CTIF: variants seen among roughly 807,000 people sequenced by gnomAD.
CTIF encodes cap binding complex dependent translation initiation factor.
In CTIF, 21 loss-of-function variants were observed where a neutral mutation model predicts 66.0. That is an observed-to-expected ratio of 0.32 (90% CI 0.23 to 0.46). The LOEUF (loss-of-function observed/expected upper bound fraction) is 0.46. Among genes scored for constraint, CTIF ranks in the 20% least tolerant of loss-of-function variants. The pLI, the probability that CTIF is intolerant of heterozygous loss-of-function variation, is 1.00. For synonymous variants in CTIF, 345 were observed against 326.4 expected (o/e 1.06, Z -0.62); for missense variants, 739 against 812.7 (o/e 0.91, Z 1.10).
At chr18:48,584,520 A>G (rs2089726499) in intron 1 of CTIF, among the ~76,000 whole-genome samples, 1 of 152,170 alleles carries the variant, frequency 6.6e-6, no homozygotes, top group Non-Finnish European at 1.5e-5. Context: ...AGGAGCTAGG[A>G]CAGAGTCCAA....
chr18:48,670,461 G>C (rs2091510948), intron 5 of CTIF: 1 of 526,106 alleles, frequency 1.9e-6, no homozygotes, highest in Non-Finnish European at 3.4e-6. Context: ...CCTCCCTCCA[G>C]GTTGGCTGTT....
intron 2 of CTIF, among the ~76,000 whole-genome samples, chr18:48,626,000 C>CTTTTTTTTTTT (rs74174709): frequency 5.9e-4 from 64 of 109,128 alleles, no homozygotes; most frequent in Non-Finnish European, 7.9e-4. Flanking sequence ...CTTTTTCTTT[C>CTTTTTTTTTTT]TTTTTTTTTT....
intron 1 of CTIF, among the ~76,000 whole-genome samples, chr18:48,560,825 G>A (rs1459527545): frequency 6.6e-6 from 1 of 152,112 alleles, no homozygotes; most frequent in African/African-American, 2.4e-5. Context: ...CTCCCACCTT[G>A]GCCTCCCAAA....
At chr18:48,719,753 T>G (rs150670080) in intron 7 of CTIF, among the ~76,000 whole-genome samples, 1 of 152,318 alleles carries the variant, frequency 6.6e-6, no homozygotes, top group African/African-American at 2.4e-5. Context: ...TTTCACATTT[T>G]TGTGCTTTTC....
At chr18:48,694,916 C>T (rs1344165911) in intron 6 of CTIF, among the ~76,000 whole-genome samples, 1 of 152,226 alleles carries the variant, frequency 6.6e-6, no homozygotes, top group African/African-American at 2.4e-5. Context: ...ATGCAAGCAG[C>T]TTTTTAGGAA....
chr18:48,795,101 A>G (rs1188588254), intron 9 of CTIF, among the ~76,000 whole-genome samples: 1 of 152,212 alleles, frequency 6.6e-6, no homozygotes, highest in Non-Finnish European at 1.5e-5. Context: ...GGAAGAAGCT[A>G]TATTTTGGAA....
intron 9 of CTIF, among the ~76,000 whole-genome samples, chr18:48,768,441 G>A (rs1203159432): frequency 6.6e-6 from 1 of 152,186 alleles, no homozygotes; most frequent in African/African-American, 2.4e-5. Flanking sequence ...GCACTTTCCT[G>A]TGTGTGAATC....
intron 2 of CTIF, among the ~76,000 whole-genome samples, chr18:48,626,668 T>G (rs2090609886): frequency 6.7e-6 from 1 of 150,296 alleles, no homozygotes; most frequent in African/African-American, 2.5e-5. Flanking sequence ...TTTTTTTTTT[T>G]TTTTGAGACA....
intron 11 of CTIF, 50 bp from the exon 12 acceptor site, chr18:48,859,294 G>A (rs909773705): frequency 2.0e-6 from 3 of 1,529,252 alleles, no homozygotes; most frequent in Non-Finnish European, 2.7e-6. Context: ...GGTGGCCAGT[G>A]GGCCACTGTG....
rs916905981 is a variant in CTIF, at chr18:48,758,552, G to A, written c.1071+147G>A. On this transcript the variant is annotated intron_variant, in intron 8 of 11. Coordinates refer to ENST00000256413, the MANE Select transcript of CTIF (RefSeq NM_014772.3). ...GGGAAGCAGGGGCTTCGGTCACTGT[G>A]GGGACCAACCACACTGGTCCACCAC... 1.2e-5 allele frequency: 12 copies of A among 977,448 alleles called. No homozygotes were observed. In the Admixed American group the frequency reaches 1.4e-4, roughly 11 times the overall value. 60.5% of individuals were successfully genotyped at this position (977,448 alleles called of 1,614,324 possible). A position where few individuals can be genotyped will look rare whatever the true frequency, so the allele number is the denominator to read the frequency against.
chr18:48,724,012 G>C lies in CTIF; in HGVS notation c.584+12317G>C, dbSNP rs184111794. ...GGCGATGCCTGTACTTAGCACCCAC[G>C]GGGGAAATTAAGATGAAGTTGTCCC... On this transcript the variant is annotated intron_variant, in intron 7 of 11. Coordinates refer to ENST00000256413, the MANE Select transcript of CTIF (RefSeq NM_014772.3). Among the ~76,000 whole-genome samples, 18 of 152,292 alleles carry C rather than the reference G, an allele frequency of 1.2e-4. No individual in the cohort carries two copies. In the East Asian group the frequency reaches 3.3e-3, roughly 28 times the overall value.
chr18:48,793,439 C>T (rs551006695), intron 9 of CTIF, among the ~76,000 whole-genome samples: 4 of 152,332 alleles, frequency 2.6e-5, no homozygotes, highest in Admixed American at 2.6e-4. Flanking sequence ...TAACTCAGGC[C>T]TTTCCCCACA....
chr18:48,689,356 T>A (rs775284244), intron 6 of CTIF, among the ~76,000 whole-genome samples: 15 of 152,316 alleles, frequency 9.8e-5, no homozygotes, highest in Admixed American at 2.0e-4. Flanking sequence ...CCGAGTCACC[T>A]CCTGGGGTTG....
intron 9 of CTIF, among the ~76,000 whole-genome samples, chr18:48,811,164 A>G (rs2068251307): frequency 6.6e-6 from 1 of 152,172 alleles, no homozygotes; most frequent in Admixed American, 6.5e-5. Flanking sequence ...CACTACTACT[A>G]TAAAATTCTT....
intron 1 of CTIF, among the ~76,000 whole-genome samples, chr18:48,569,346 G>A (rs2089357211): frequency 1.3e-5 from 2 of 152,054 alleles, no homozygotes; most frequent in African/African-American, 4.8e-5. Flanking sequence ...TCATAGACTT[G>A]ATCTGGGGGA....
intron 10 of CTIF, among the ~76,000 whole-genome samples, chr18:48,834,491 C>G (rs978461532): frequency 2.6e-5 from 4 of 152,208 alleles, no homozygotes; most frequent in African/African-American, 7.2e-5. Context: ...CTGTGTGGTT[C>G]TCAAGTGGGA....
At chr18:48,740,403 C>G (rs2092543578) in intron 7 of CTIF, among the ~76,000 whole-genome samples, 1 of 152,242 alleles carries the variant, frequency 6.6e-6, no homozygotes, top group African/African-American at 2.4e-5. Context: ...TCCTGCAACC[C>G]CACCCTCACT....
chr18:48,574,013 G>T (rs1484013975), intron 1 of CTIF, among the ~76,000 whole-genome samples: 1 of 152,206 alleles, frequency 6.6e-6, no homozygotes, highest in Non-Finnish European at 1.5e-5. Context: ...GTGGAGTCTG[G>T]TGTCACCGGG....
intron 10 of CTIF, among the ~76,000 whole-genome samples, chr18:48,856,623 C>T (rs1176673767): frequency 4.6e-5 from 7 of 152,180 alleles, no homozygotes; most frequent in African/African-American, 1.7e-4. Flanking sequence ...TGAATGAACC[C>T]TGAAAACATT....
Sources: allele counts gnomAD v4.1 joint callset (sites outside exome capture counted in the v4.1 genomes callset), GRCh38; gene constraint gnomAD v4.1.1; transcripts MANE v1.5; gene names NCBI Gene and HGNC (gene_info 2026-07-23, HGNC 2026-07-21).